RAD51B: variants seen among roughly 807,000 people sequenced by gnomAD.
RAD51B encodes RAD51 paralog B.
A neutral mutation model predicts 42.2 loss-of-function variants in RAD51B; 38 were observed. That is an observed-to-expected ratio of 0.90 (90% CI 0.70 to 1.18). The LOEUF is 1.18. Among genes scored for constraint, RAD51B ranks in the 50% most tolerant of loss-of-function variants. RAD51B has a pLI of 0.00. For synonymous variants in RAD51B, 154 were observed against 145.2 expected (o/e 1.06, Z -0.43); for missense variants, 373 against 400.7 (o/e 0.93, Z 0.59).
chr14:67,872,784 G>A (rs1301870123), intron 5 of RAD51B, among the ~76,000 whole-genome samples: 24 of 150,200 alleles, frequency 1.6e-4, no homozygotes, highest in Admixed American at 5.3e-4. Context: ...AAATAATGCC[G>A]CATATCTACA....
At chr14:68,509,244 C>T (rs1409150730) in intron 10 of RAD51B, among the ~76,000 whole-genome samples, 1 of 152,078 alleles carries the variant, frequency 6.6e-6, no homozygotes, top group Non-Finnish European at 1.5e-5. Context: ...ACCCTGAGCC[C>T]TTCACTGGGT....
intron 3 of RAD51B, among the ~76,000 whole-genome samples, chr14:67,831,171 G>A (rs567023041): frequency 6.6e-6 from 1 of 151,416 alleles, no homozygotes; most frequent in Non-Finnish European, 1.5e-5. Context: ...CACCGCCCCC[G>A]GCCAGTACTT....
chr14:68,426,639 G>A (rs1443343049), intron 9 of RAD51B, among the ~76,000 whole-genome samples: 1 of 152,052 alleles, frequency 6.6e-6, no homozygotes, highest in East Asian at 1.9e-4. Context: ...TTTAAAGATG[G>A]GATCTATAAT....
intron 10 of RAD51B, among the ~76,000 whole-genome samples, chr14:68,544,923 G>A (rs775369849): frequency 5.9e-5 from 9 of 152,216 alleles, no homozygotes; most frequent in Non-Finnish European, 1.3e-4. Flanking sequence ...ACAGACCCCT[G>A]TGTTCAATTA....
At chr14:68,526,287 G>A (rs1220216329) in intron 10 of RAD51B, among the ~76,000 whole-genome samples, 1 of 152,176 alleles carries the variant, frequency 6.6e-6, no homozygotes, top group Non-Finnish European at 1.5e-5. Context: ...ACATAACAAT[G>A]TTTTGGTCAA....
At chr14:68,485,947 C>G in intron 10 of RAD51B, among the ~76,000 whole-genome samples, 1 of 152,214 alleles carries the variant, frequency 6.6e-6, no homozygotes, top group Non-Finnish European at 1.5e-5. Flanking sequence ...ATTCATGCAT[C>G]AACCAGAGGA....
intron 7 of RAD51B, among the ~76,000 whole-genome samples, chr14:68,212,128 G>A (rs1453698657): frequency 1.3e-5 from 2 of 152,214 alleles, no homozygotes; most frequent in African/African-American, 2.4e-5. Context: ...TACTGACAAG[G>A]TCAAATTTCT....
intron 7 of RAD51B, among the ~76,000 whole-genome samples, chr14:67,965,747 C>T (rs1288508446): frequency 6.6e-6 from 1 of 152,084 alleles, no homozygotes; most frequent in Non-Finnish European, 1.5e-5. Flanking sequence ...TTTGATCATG[C>T]CTTTCCTTGC....
At chr14:68,073,108 T>G (rs1305609949) in intron 7 of RAD51B, among the ~76,000 whole-genome samples, 1 of 152,220 alleles carries the variant, frequency 6.6e-6, no homozygotes, top group African/African-American at 2.4e-5. Flanking sequence ...TGTCCGATAC[T>G]GTCAGTGGGG....
At chr14:67,871,716 A>G (rs1306670703) in intron 5 of RAD51B, among the ~76,000 whole-genome samples, 102 of 152,094 alleles carry the variant, frequency 6.7e-4, no homozygotes, top group Non-Finnish European at 1.1e-3. Context: ...GAATCCAGCA[A>G]CACATCAAAA....
intron 7 of RAD51B, among the ~76,000 whole-genome samples, chr14:67,893,845 T>C (rs1424666427): frequency 2.6e-5 from 4 of 152,152 alleles, no homozygotes; most frequent in Admixed American, 2.6e-4. Context: ...GTCCCATACA[T>C]ATTATCTAAT....
At chr14:67,855,995 T>C (rs182794993) in intron 4 of RAD51B, among the ~76,000 whole-genome samples, 1 of 152,360 alleles carries the variant, frequency 6.6e-6, no homozygotes. Flanking sequence ...TCACTTACTC[T>C]CTAATTTAGA....
At chr14:68,562,275 A>G (rs144174658) in intron 10 of RAD51B, 459 of 985,414 alleles carry the variant, frequency 4.7e-4, no homozygotes, top group Middle Eastern at 3.1e-3. Flanking sequence ...AGATCTTTGC[A>G]ACGGAAAATG....
At chr14:67,895,029 C>G (rs1340784988) in intron 7 of RAD51B, among the ~76,000 whole-genome samples, 2 of 152,156 alleles carry the variant, frequency 1.3e-5, no homozygotes, top group African/African-American at 4.8e-5. Flanking sequence ...CCCACTGTGG[C>G]CTCCTAAAGT....
At chr14:68,038,097 T>C (rs2076162021) in intron 7 of RAD51B, among the ~76,000 whole-genome samples, 1 of 152,232 alleles carries the variant, frequency 6.6e-6, no homozygotes. Flanking sequence ...TTATTTGACA[T>C]CATAAATGAC....
intron 7 of RAD51B, among the ~76,000 whole-genome samples, chr14:67,904,413 T>C (rs1265418069): frequency 6.6e-6 from 1 of 152,106 alleles, no homozygotes; most frequent in Non-Finnish European, 1.5e-5. Flanking sequence ...TAGCATCTAT[T>C]ATTTTTTGAG....
intron 9 of RAD51B, among the ~76,000 whole-genome samples, chr14:68,463,902 TA>T (rs1237189357): frequency 1.3e-5 from 2 of 152,230 alleles, no homozygotes; most frequent in Non-Finnish European, 2.9e-5. Flanking sequence ...TTGTTCCACA[TA>T]CTATATCTCC....
chr14:67,881,800 C>T (rs1340326865), intron 5 of RAD51B, among the ~76,000 whole-genome samples: 1 of 152,172 alleles, frequency 6.6e-6, no homozygotes, highest in Non-Finnish European at 1.5e-5. Flanking sequence ...ACCAGTTAAT[C>T]CTTTGTGGGC....
At chr14:67,979,077 A>G (rs1047340591) in intron 7 of RAD51B, among the ~76,000 whole-genome samples, 1 of 152,182 alleles carries the variant, frequency 6.6e-6, no homozygotes, top group African/African-American at 2.4e-5. Flanking sequence ...ATGGCTAGCC[A>G]TTTTCTAAAC....
Sources: allele counts gnomAD v4.1 joint callset (sites outside exome capture counted in the v4.1 genomes callset), GRCh38; gene constraint gnomAD v4.1.1; transcripts MANE v1.5; gene names NCBI Gene and HGNC (gene_info 2026-07-23, HGNC 2026-07-21).